COG5: variants seen among roughly 807,000 people sequenced by gnomAD.
The protein encoded by COG5 is conserved oligomeric Golgi complex subunit 5.
Under a neutral mutation model 110.4 loss-of-function variants are expected in COG5, and 86 were observed. The ratio of observed to expected loss-of-function variants is 0.78; its 90% CI spans 0.65 to 0.93. The LOEUF is 0.93. COG5 is among the 40% of genes least tolerant of loss of function. COG5 has a pLI of 0.00. For missense variants in COG5, 1,077 were observed against 987.0 expected (o/e 1.09, Z -1.22); for synonymous variants, 360 against 334.6 (o/e 1.08, Z -0.83).
chr7:107,227,417 AAGT>A (rs1413341117), intron 19 of COG5, among the ~76,000 whole-genome samples: 1 of 152,194 alleles, frequency 6.6e-6, no homozygotes. Flanking sequence ...ATAAAAAAAA[AAGT>A]AGAACTATTA....
intron 6 of COG5, among the ~76,000 whole-genome samples, chr7:107,452,040 T>A (rs936076620): frequency 6.6e-6 from 1 of 152,078 alleles, no homozygotes; most frequent in Non-Finnish European, 1.5e-5. Context: ...AGACCTACTA[T>A]CCATTTAATT....
At chr7:107,289,573 T>G (rs926144619) in intron 12 of COG5, among the ~76,000 whole-genome samples, 2 of 152,220 alleles carry the variant, frequency 1.3e-5, no homozygotes, top group African/African-American at 4.8e-5. Context: ...CTGTACTGAA[T>G]CGATATATAT....
intron 11 of COG5, among the ~76,000 whole-genome samples, chr7:107,313,319 A>G (rs1808443736): frequency 6.6e-6 from 1 of 152,192 alleles, no homozygotes; most frequent in South Asian, 2.1e-4. Flanking sequence ...AGTGAACTGA[A>G]ATAATCAGCC....
In COG5 at chr7:107,527,338, C is replaced by T. The variant is rs1424122009; in HGVS notation, c.437G>A (p.Arg146Gln). 6.2e-7 allele frequency: 1 copy of T among 1,613,426 alleles called. No individual in the cohort carries two copies. Among genetic ancestry groups the T allele is most frequent in the Non-Finnish European group, 8.5e-7 (1 of 1,179,806 alleles). The stretch of plus-strand genomic sequence containing the variant: ...GAGATTCAAGATACGAATAATCCTC[C>T]GAAGCAAATCACAGGCAACCTGTGC... ...ARLQVACDLL[R>Q]RIIRILNLSK... The change falls in exon 6 of 22, where the codon CGG (arginine) becomes CAG (glutamine). Residue 146 changes from arginine to glutamine, a missense_variant. Arg to Gln is a conservative substitution (Grantham distance 43, BLOSUM62 1). Transcript: ENST00000297135.
intron 5 of COG5, among the ~76,000 whole-genome samples, chr7:107,542,448 A>G (rs1349387634): frequency 3.3e-5 from 5 of 152,376 alleles, no homozygotes; most frequent in African/African-American, 1.2e-4. Context: ...ACCATTTGGT[A>G]AAATAGTTTG....
intron 7 of COG5, among the ~76,000 whole-genome samples, chr7:107,392,751 C>T (rs555138913): frequency 1.4e-4 from 21 of 151,276 alleles, no homozygotes; most frequent in Non-Finnish European, 2.1e-4. Context: ...ATGAAAAAGT[C>T]ACTACCATGT....
intron 6 of COG5, among the ~76,000 whole-genome samples, chr7:107,501,768 G>A (rs1346701692): frequency 1.3e-5 from 2 of 152,052 alleles, no homozygotes; most frequent in South Asian, 2.1e-4. Context: ...TTGGATTTGA[G>A]CACAACATCA....
intron 19 of COG5, among the ~76,000 whole-genome samples, chr7:107,220,688 C>T (rs1052381294): frequency 6.6e-6 from 1 of 152,166 alleles, no homozygotes; most frequent in African/African-American, 2.4e-5. Context: ...CGTGTTTGAG[C>T]TATTGCAGGG....
intron 6 of COG5, among the ~76,000 whole-genome samples, chr7:107,483,170 A>T (rs908685323): frequency 2.6e-5 from 4 of 152,190 alleles, no homozygotes; most frequent in Non-Finnish European, 5.9e-5. Context: ...ATTCTGTATT[A>T]TAATAGTTTA....
intron 10 of COG5, among the ~76,000 whole-genome samples, chr7:107,361,423 T>C (rs1436858548): frequency 6.6e-6 from 1 of 152,184 alleles, no homozygotes; most frequent in African/African-American, 2.4e-5. Context: ...TATTCTCTAG[T>C]GGAAGTTTTA....
At chr7:107,482,440 C>T (rs1388180259) in intron 6 of COG5, among the ~76,000 whole-genome samples, 1 of 151,990 alleles carries the variant, frequency 6.6e-6, no homozygotes, top group Admixed American at 6.6e-5. Flanking sequence ...GCCACCAAGC[C>T]CAACCAATAT....
intron 6 of COG5, among the ~76,000 whole-genome samples, chr7:107,419,677 C>T (rs193106214): frequency 0.013 from 1,931 of 152,032 alleles, 25 homozygotes; most frequent in Non-Finnish European, 0.019. Flanking sequence ...AAGCGATTCT[C>T]CTGTCTCAGC....
chr7:107,238,827 CTA>C (rs1253539256), intron 17 of COG5, among the ~76,000 whole-genome samples: 1 of 152,108 alleles, frequency 6.6e-6, no homozygotes, highest in African/African-American at 2.4e-5. Flanking sequence ...GGTCCTTTGC[CTA>C]TGTTTAAATC....
At chr7:107,433,907 A>G (rs1336606609) in intron 6 of COG5, among the ~76,000 whole-genome samples, 1 of 152,234 alleles carries the variant, frequency 6.6e-6, no homozygotes, top group African/African-American at 2.4e-5. Flanking sequence ...ATATTTGCAA[A>G]TAATATTTCT....
chr7:107,409,648 G>T (rs536526809), intron 7 of COG5, among the ~76,000 whole-genome samples: 2 of 152,274 alleles, frequency 1.3e-5, no homozygotes, highest in South Asian at 4.1e-4. Flanking sequence ...CTAATAAAAA[G>T]GAAAAGGTTG....
intron 21 of COG5, 26 bp downstream of exon 21, chr7:107,210,500 G>C: frequency 6.3e-7 from 1 of 1,576,690 alleles, no homozygotes; most frequent in Non-Finnish European, 8.6e-7. Context: ...AGACCAGATG[G>C]GTGCCCCCAG....
chr7:107,361,889 T>G, intron 10 of COG5, 144 bp downstream of exon 10: 3 of 621,834 alleles, frequency 4.8e-6, no homozygotes, highest in Non-Finnish European at 5.8e-6. Context: ...GCAAGGAACA[T>G]TATTATAGTT....
In COG5 at chr7:107,359,327, C is replaced by T. The variant is rs577034201; in HGVS notation, c.1026+2706G>A. Among the ~76,000 whole-genome samples, 66 of 152,342 alleles carry T rather than the reference C, an allele frequency of 4.3e-4. 1 individual carries two copies. The highest frequency in any genetic ancestry group is 1.3e-3 in the African/African-American group (52 of 41,582). ...TGCAGACTCAGGGCAGCACACCAGC[C>T]CTCTGCCACCTTGGCCCACTCCAGA... On this transcript the variant is annotated intron_variant, in intron 10 of 21. Transcript: ENST00000297135.
chr7:107,308,505 C>A (rs1044054157), intron 11 of COG5, among the ~76,000 whole-genome samples: 2 of 152,116 alleles, frequency 1.3e-5, no homozygotes, highest in African/African-American at 4.8e-5. Context: ...TTAGCAGCCA[C>A]TAATAATCAT....
Sources: allele counts gnomAD v4.1 joint callset (sites outside exome capture counted in the v4.1 genomes callset), GRCh38; gene constraint gnomAD v4.1.1; transcripts MANE v1.5; gene names NCBI Gene and HGNC (gene_info 2026-07-23, HGNC 2026-07-21).